ABTB3: variants seen among roughly 807,000 people sequenced by gnomAD.
ABTB3 encodes the protein ankyrin repeat and BTB domain containing 3.
At chr12:107,482,984 CTTTCCTTCCT>C in the ABTB3 span, among the ~76,000 whole-genome samples, 1 of 13,914 alleles carries the variant, frequency 7.2e-5, no homozygotes, top group Admixed American at 8.5e-4. Context: ...TTCTTTCTTT[CTTTCCTTCCT>C]TCCTTCCTTC....
At chr12:107,499,496 T>C in the ABTB3 span, among the ~76,000 whole-genome samples, 3 of 152,120 alleles carry the variant, frequency 2.0e-5, no homozygotes, top group African/African-American at 4.8e-5. Flanking sequence ...ATTTGCCCTG[T>C]GTATTCGTCT....
the ABTB3 span, chr12:107,649,797 G>A: frequency 2.6e-5 from 4 of 155,792 alleles, no homozygotes; most frequent in African/African-American, 9.7e-5. Flanking sequence ...GCATCCCACA[G>A]TCATGAAGCC....
chr12:107,483,305 A>C, the ABTB3 span, among the ~76,000 whole-genome samples: 1 of 152,090 alleles, frequency 6.6e-6, no homozygotes, highest in Non-Finnish European at 1.5e-5. Context: ...AGCCTCCCAA[A>C]GTGCTGGGAT....
At chr12:107,543,199 G>A in the ABTB3 span, among the ~76,000 whole-genome samples, 8 of 152,126 alleles carry the variant, frequency 5.3e-5, no homozygotes, top group Admixed American at 3.9e-4. Flanking sequence ...AACCGGTTGT[G>A]GTGGCAGGCA....
At chr12:107,578,529 G>T in the ABTB3 span, among the ~76,000 whole-genome samples, 9 of 152,014 alleles carry the variant, frequency 5.9e-5, no homozygotes, top group Admixed American at 2.0e-4. Context: ...GCCCCCCAGG[G>T]ACTCAGGGTT....
the ABTB3 span, among the ~76,000 whole-genome samples, chr12:107,578,383 CTTTTTTTTTTTTTT>C: frequency 3.0e-3 from 173 of 57,214 alleles, no homozygotes; most frequent in African/African-American, 0.011. Context: ...CTTTCTTCTT[CTTTTTTTTTTTTTT>C]TTTTTTTTTT....
At chr12:107,500,537 G>A in the ABTB3 span, among the ~76,000 whole-genome samples, 10 of 152,186 alleles carry the variant, frequency 6.6e-5, no homozygotes, top group Admixed American at 6.5e-4. Flanking sequence ...ACGTGTATCA[G>A]CAGTGTGACC....
chr12:107,656,515 G>T, the ABTB3 span, among the ~76,000 whole-genome samples: 1 of 152,200 alleles, frequency 6.6e-6, no homozygotes, highest in South Asian at 2.1e-4. Flanking sequence ...ATAAAAACAG[G>T]TGGTGGCCCA....
At chr12:107,469,301 T>C in the ABTB3 span, among the ~76,000 whole-genome samples, 1 of 152,192 alleles carries the variant, frequency 6.6e-6, no homozygotes, top group African/African-American at 2.4e-5. Flanking sequence ...TTGAGCTTCC[T>C]GTAACCCTCA....
At chr12:107,633,603 T>G in the ABTB3 span, among the ~76,000 whole-genome samples, 1 of 152,176 alleles carries the variant, frequency 6.6e-6, no homozygotes, top group African/African-American at 2.4e-5. Context: ...AAAATGCAGA[T>G]TCTGATTCAG....
the ABTB3 span, among the ~76,000 whole-genome samples, chr12:107,629,206 C>A: frequency 7.2e-5 from 11 of 152,074 alleles, no homozygotes; most frequent in African/African-American, 2.4e-4. Context: ...CTCTTGAGCC[C>A]AGGAGTTCAA....
chr12:107,529,470 T>TGAAGATG, the ABTB3 span, among the ~76,000 whole-genome samples: 1 of 152,162 alleles, frequency 6.6e-6, no homozygotes, highest in South Asian at 2.1e-4. Flanking sequence ...GGGATGGTGA[T>TGAAGATG]GAAGATGAAG....
the ABTB3 span, among the ~76,000 whole-genome samples, chr12:107,384,115 T>G: frequency 6.6e-6 from 1 of 152,210 alleles, no homozygotes; most frequent in Non-Finnish European, 1.5e-5. Context: ...AAAATGGCAG[T>G]AACTGAGAAC....
chr12:107,422,188 G>A, the ABTB3 span, among the ~76,000 whole-genome samples: 1 of 152,112 alleles, frequency 6.6e-6, no homozygotes, highest in East Asian at 1.9e-4. Context: ...GAATCTAGAT[G>A]GAGGAAGGAA....
At chr12:107,651,821 A>G in the ABTB3 span, 18 of 1,567,088 alleles carry the variant, frequency 1.1e-5, no homozygotes, top group Non-Finnish European at 1.4e-5. Context: ...GTGCGCACAC[A>G]GGAGCGCTGA....
At chr12:107,486,558 G>A in the ABTB3 span, 1 of 151,968 alleles carries the variant, frequency 6.6e-6, no homozygotes, top group Admixed American at 6.6e-5. Flanking sequence ...TCCCTTCCAA[G>A]TATTAATCAG....
At chr12:107,580,670 C>A in the ABTB3 span, 3 of 565,070 alleles carry the variant, frequency 5.3e-6, no homozygotes, top group East Asian at 3.8e-5. Context: ...AGAAAGACGA[C>A]AGGGACGAGG....
At chr12:107,401,545 C>T in the ABTB3 span, among the ~76,000 whole-genome samples, 1 of 152,194 alleles carries the variant, frequency 6.6e-6, no homozygotes, top group African/African-American at 2.4e-5. Flanking sequence ...GAAATAATGG[C>T]ACAGTAGTGA....
the ABTB3 span, among the ~76,000 whole-genome samples, chr12:107,448,726 C>T: frequency 7.2e-5 from 11 of 151,828 alleles, no homozygotes; most frequent in African/African-American, 2.7e-4. Flanking sequence ...CTGCAAACTC[C>T]ACCACCCAGG....
Sources: allele counts gnomAD v4.1 joint callset (sites outside exome capture counted in the v4.1 genomes callset), GRCh38; gene constraint gnomAD v4.1.1; transcripts MANE v1.5; gene names NCBI Gene and HGNC (gene_info 2026-07-23, HGNC 2026-07-21).